Variants in OPCML observed in about 807,000 individuals in gnomAD.
The protein encoded by OPCML is opioid binding protein/cell adhesion molecule like.
Under a neutral mutation model 37.8 loss-of-function variants are expected in OPCML, and 13 were observed. The observed-to-expected ratio is 0.34, with a 90% CI of 0.22 to 0.55. The LOEUF (loss-of-function observed/expected upper bound fraction) is 0.55. OPCML is among the 20% of genes least tolerant of loss of function. The pLI is 0.91. For synonymous variants in OPCML, 176 were observed against 168.8 expected, an observed-to-expected ratio of 1.04 and a Z score of -0.33; for missense variants, 341 against 435.6, an observed-to-expected ratio of 0.78 and a Z score of 1.93.
chr11:133,125,541 T>G (rs1949486802), intron 1 of OPCML, among the ~76,000 whole-genome samples: 1 of 149,300 alleles, frequency 6.7e-6, no homozygotes, highest in Non-Finnish European at 1.5e-5. Context: ...TCCAGAGAAA[T>G]AAAACTAATA....
intron 2 of OPCML, among the ~76,000 whole-genome samples, chr11:132,852,795 C>A (rs1362448168): frequency 2.6e-5 from 4 of 151,958 alleles, no homozygotes; most frequent in East Asian, 1.9e-4. Flanking sequence ...CTTAGGTATA[C>A]CACAGTATGG....
intron 1 of OPCML, among the ~76,000 whole-genome samples, chr11:133,286,295 A>AAAAT (rs746847809): frequency 3.3e-5 from 5 of 152,040 alleles, no homozygotes; most frequent in East Asian, 1.9e-4. Flanking sequence ...CTAAAAATAC[A>AAAAT]AAATAAATAA....
chr11:132,696,737 GACAC>G lies in OPCML; in HGVS notation c.147-39422_147-39419del, dbSNP rs146076266. Among the ~76,000 whole-genome samples the G allele has an allele frequency of 4.0e-5, 6 of 151,262 alleles. 1 individual carries two copies. The highest frequency in any genetic ancestry group is 2.1e-4 in the South Asian group (1 of 4,778). On this transcript the variant is annotated intron_variant, in intron 2 of 7. Coordinates refer to ENST00000524381, the MANE Select transcript of OPCML (RefSeq NM_001012393.5). ...TCACATACAACAAAACTTATGCAGA[GACAC>G]ACACACACACAGACACACATGAAGA...
At chr11:132,938,383 T>G (rs1945464753) in intron 2 of OPCML, among the ~76,000 whole-genome samples, 1 of 152,148 alleles carries the variant, frequency 6.6e-6, no homozygotes. Flanking sequence ...GAAAGAATTC[T>G]GGGTGGAACT....
At chr11:133,378,692 C>CT (rs1007966143) in intron 1 of OPCML, among the ~76,000 whole-genome samples, 7 of 150,162 alleles carry the variant, frequency 4.7e-5, no homozygotes, top group South Asian at 4.2e-4. Flanking sequence ...TTCTTTCTTT[C>CT]TTTTTTTCCT....
chr11:132,927,125 A>G (rs921884392), intron 2 of OPCML, among the ~76,000 whole-genome samples: 1 of 152,154 alleles, frequency 6.6e-6, no homozygotes, highest in Non-Finnish European at 1.5e-5. Flanking sequence ...AAAGGAAAAG[A>G]GTTTATTTGA....
intron 3 of OPCML, among the ~76,000 whole-genome samples, chr11:132,567,989 T>C (rs2096427873): frequency 6.6e-6 from 1 of 152,050 alleles, no homozygotes; most frequent in Non-Finnish European, 1.5e-5. Context: ...GCAGCTAATG[T>C]TGAAAATAGA....
intron 1 of OPCML, among the ~76,000 whole-genome samples, chr11:133,291,744 A>G (rs908236024): frequency 9.8e-5 from 15 of 152,370 alleles, no homozygotes; most frequent in Non-Finnish European, 7.3e-5. Context: ...ATCTGAGCAC[A>G]AATTGAACAA....
intron 1 of OPCML, among the ~76,000 whole-genome samples, chr11:133,312,349 C>G (rs1020464052): frequency 6.6e-6 from 1 of 152,170 alleles, no homozygotes; most frequent in Non-Finnish European, 1.5e-5. Flanking sequence ...AACAAAACAC[C>G]GCATTGTGAG....
chr11:133,519,567 C>CA (rs1265693101), intron 1 of OPCML, among the ~76,000 whole-genome samples: 2 of 151,926 alleles, frequency 1.3e-5, no homozygotes, highest in African/African-American at 4.8e-5. Flanking sequence ...ATGCTTTTAC[C>CA]AGGGGAAAAA....
chr11:133,175,774 A>G (rs2136277313), intron 1 of OPCML, among the ~76,000 whole-genome samples: 1 of 152,212 alleles, frequency 6.6e-6, no homozygotes, highest in South Asian at 2.1e-4. Flanking sequence ...TGGGAGTCTA[A>G]ATTCTATCTC....
chr11:132,449,620 C>T (rs1393027021), intron 4 of OPCML, among the ~76,000 whole-genome samples: 4 of 152,164 alleles, frequency 2.6e-5, no homozygotes, highest in African/African-American at 7.2e-5. Flanking sequence ...GATGCCCAAA[C>T]TTTCAGCTTT....
At chr11:132,907,899 G>A (rs547916227) in intron 2 of OPCML, among the ~76,000 whole-genome samples, 22 of 152,228 alleles carry the variant, frequency 1.4e-4, no homozygotes, top group African/African-American at 5.3e-4. Flanking sequence ...ATGTGCCTTA[G>A]TTATCTCACA....
intron 2 of OPCML, among the ~76,000 whole-genome samples, chr11:132,711,479 G>T (rs1455745295): frequency 1.3e-5 from 2 of 152,184 alleles, no homozygotes; most frequent in East Asian, 3.9e-4. Flanking sequence ...GCGTGATTTT[G>T]ATTCTCACAC....
At chr11:132,511,962 G>A (rs940935016) in intron 4 of OPCML, among the ~76,000 whole-genome samples, 7 of 151,886 alleles carry the variant, frequency 4.6e-5, no homozygotes, top group African/African-American at 9.7e-5. Flanking sequence ...AAATTATTCC[G>A]AATACATATA....
intron 2 of OPCML, among the ~76,000 whole-genome samples, chr11:132,782,927 ATATATATATATATATATATG>A (rs1947085269): frequency 6.8e-6 from 1 of 146,134 alleles, no homozygotes; most frequent in Non-Finnish European, 1.5e-5. Flanking sequence ...GTATATATAT[ATATATATATATATATATATG>A]TATGTATGTA....
At chr11:133,063,124 T>A (rs561569212) in intron 1 of OPCML, among the ~76,000 whole-genome samples, 1 of 152,196 alleles carries the variant, frequency 6.6e-6, no homozygotes, top group African/African-American at 2.4e-5. Flanking sequence ...GCCTTCGCAG[T>A]GTAAGTTTAG....
At chr11:133,282,471 A>G (rs1942184921) in intron 1 of OPCML, among the ~76,000 whole-genome samples, 1 of 152,248 alleles carries the variant, frequency 6.6e-6, no homozygotes, top group Non-Finnish European at 1.5e-5. Context: ...CCAAGATTTC[A>G]GAGGATGTAT....
At chr11:133,203,787 C>T (rs530154333) in intron 1 of OPCML, among the ~76,000 whole-genome samples, 3 of 152,170 alleles carry the variant, frequency 2.0e-5, no homozygotes, top group South Asian at 4.2e-4. Flanking sequence ...GGCCGGGTGC[C>T]GTGGCTTACT....
Sources: allele counts gnomAD v4.1 joint callset (sites outside exome capture counted in the v4.1 genomes callset), GRCh38; gene constraint gnomAD v4.1.1; transcripts MANE v1.5; gene names NCBI Gene and HGNC (gene_info 2026-07-23, HGNC 2026-07-21).